LIN52: variants seen among roughly 807,000 people sequenced by gnomAD.
LIN52 encodes protein lin-52 homolog.
A neutral mutation model predicts 18.5 loss-of-function variants in LIN52; 4 were observed. The observed-to-expected ratio is 0.22, with a 90% CI of 0.11 to 0.49. The LOEUF (loss-of-function observed/expected upper bound fraction) is 0.49, where lower values mean the gene tolerates loss of function less well. Ranked by LOEUF, LIN52 falls within the 20% of genes least tolerant of loss-of-function variation. LIN52 has a pLI of 0.97. For missense variants in LIN52, 102 were observed against 139.5 expected (o/e 0.73, Z 1.35); for synonymous variants, 34 against 45.5 (o/e 0.75, Z 1.02).
chr14:74,147,021 C>T (rs901458773), intron 5 of LIN52, among the ~76,000 whole-genome samples: 5 of 151,968 alleles, frequency 3.3e-5, no homozygotes, highest in African/African-American at 1.2e-4. Context: ...CAATTTGGGA[C>T]GCCGAGGTGG....
intron 5 of LIN52, among the ~76,000 whole-genome samples, chr14:74,107,600 G>A (rs1163795152): frequency 6.6e-6 from 1 of 151,988 alleles, no homozygotes; most frequent in East Asian, 1.9e-4. Context: ...TTTGGTACAT[G>A]TCTCAGTCCT....
intron 5 of LIN52, among the ~76,000 whole-genome samples, chr14:74,193,212 A>G (rs1207457640): frequency 2.0e-5 from 3 of 149,830 alleles, no homozygotes; most frequent in Non-Finnish European, 4.4e-5. Context: ...AAATCCTTCC[A>G]TGCTTGAAGC....
intron 5 of LIN52, among the ~76,000 whole-genome samples, chr14:74,195,565 T>TGC (rs1020379824): frequency 2.0e-5 from 3 of 151,186 alleles, no homozygotes; most frequent in Non-Finnish European, 3.0e-5. Flanking sequence ...TATGTGTGTG[T>TGC]GTGTGTGTGT....
intron 5 of LIN52, among the ~76,000 whole-genome samples, chr14:74,161,184 AATTT>A (rs886912419): frequency 6.6e-6 from 1 of 151,880 alleles, no homozygotes; most frequent in Non-Finnish European, 1.5e-5. Context: ...AACAGGGAAA[AATTT>A]ATTTATTTAT....
intron 2 of LIN52, among the ~76,000 whole-genome samples, chr14:74,092,453 T>C (rs2060779262): frequency 6.7e-6 from 1 of 150,072 alleles, no homozygotes; most frequent in Admixed American, 6.6e-5. Context: ...TACAGGCACA[T>C]GCCGCAATGC....
At chr14:74,142,386 A>G (rs1004346798) in intron 5 of LIN52, among the ~76,000 whole-genome samples, 1 of 152,088 alleles carries the variant, frequency 6.6e-6, no homozygotes, top group African/African-American at 2.4e-5. Flanking sequence ...TAATTTAATA[A>G]TTGGAGGCTA....
chr14:74,194,791 G>C lies in LIN52; in HGVS notation c.284-4131G>C, dbSNP rs369177474. Reference sequence around the variant, plus strand: ...CCCTCTTGGCATAGTTATTAGAATGGAAGCGGTGTTGCCTTCCTGTGAAAC... The same window carrying C: ...CCCTCTTGGCATAGTTATTAGAATGCAAGCGGTGTTGCCTTCCTGTGAAAC... On this transcript the variant is annotated intron_variant, in intron 5 of 5. Transcript: ENST00000555028. Among the ~76,000 whole-genome samples the C allele has an allele frequency of 3.7e-3, 562 of 152,284 alleles. 4 individuals are homozygous for C. The highest frequency in any genetic ancestry group is 0.013 in the African/African-American group (530 of 41,556).
At chr14:74,195,358 A>G (rs1229591789) in intron 5 of LIN52, among the ~76,000 whole-genome samples, 2 of 152,224 alleles carry the variant, frequency 1.3e-5, no homozygotes, top group Non-Finnish European at 2.9e-5. Flanking sequence ...AGCTACAACC[A>G]TTGTGAAGAA....
At position 74,175,600 on chromosome 14, in the gene LIN52, G is replaced by A. The variant is rs893901795; in HGVS notation, c.284-23322G>A. 7.9e-5 allele frequency among the ~76,000 whole-genome samples: 12 copies of A among 152,086 alleles called. No homozygotes were observed. In the South Asian group the frequency reaches 2.5e-3, roughly 32 times the overall value. ...AGGTCCCAGCTATTCAGGAGGCTGAGGTAGGAGGATTGCTTGAGCCCAGGA... is the reference window on the plus strand; with the variant it reads ...AGGTCCCAGCTATTCAGGAGGCTGAAGTAGGAGGATTGCTTGAGCCCAGGA... On this transcript the variant is annotated intron_variant, in intron 5 of 5. Transcript: ENST00000555028.
intron 5 of LIN52, among the ~76,000 whole-genome samples, chr14:74,139,325 C>G (rs1373793224): frequency 6.6e-6 from 1 of 152,192 alleles, no homozygotes; most frequent in African/African-American, 2.4e-5. Context: ...TATTCTCTGC[C>G]ATAGCAGGGG....
intron 5 of LIN52, among the ~76,000 whole-genome samples, chr14:74,135,286 A>G (rs540098718): frequency 1.6e-4 from 25 of 152,134 alleles, no homozygotes; most frequent in African/African-American, 4.8e-4. Flanking sequence ...GATATTCTTG[A>G]TCTCCTGACC....
chr14:74,106,034 T>C (rs2060895415), intron 5 of LIN52, among the ~76,000 whole-genome samples: 1 of 152,256 alleles, frequency 6.6e-6, no homozygotes, highest in Non-Finnish European at 1.5e-5. Context: ...GTCTCTCAGA[T>C]GATTGAGGCC....
intron 5 of LIN52, chr14:74,174,704 T>C (rs2061284954): frequency 6.6e-6 from 1 of 151,686 alleles, no homozygotes; most frequent in African/African-American, 2.4e-5. Context: ...ATCATGCCTG[T>C]GAATAGCTGC....
chr14:74,125,095 A>G (rs1223224411), intron 5 of LIN52, among the ~76,000 whole-genome samples: 1 of 152,214 alleles, frequency 6.6e-6, no homozygotes, highest in Non-Finnish European at 1.5e-5. Context: ...CAATTAAGAA[A>G]TTAGCATGTT....
chr14:74,181,168 C>T (rs1469872687), intron 5 of LIN52, among the ~76,000 whole-genome samples: 1 of 150,088 alleles, frequency 6.7e-6, no homozygotes, highest in Non-Finnish European at 1.5e-5. Context: ...AGGCCATTTG[C>T]AGTGGCTCAC....
intron 5 of LIN52, among the ~76,000 whole-genome samples, chr14:74,157,466 A>T (rs1471238206): frequency 1.8e-5 from 2 of 112,406 alleles, no homozygotes; most frequent in African/African-American, 3.1e-5. Context: ...TATATTTTTT[A>T]ATTAATTTAT....
chr14:74,095,436 G>A (rs924660115), intron 2 of LIN52, among the ~76,000 whole-genome samples: 6 of 151,728 alleles, frequency 4.0e-5, no homozygotes, highest in South Asian at 2.1e-4. Context: ...CACCCGGCCC[G>A]TTTTTTAATT....
intron 5 of LIN52, among the ~76,000 whole-genome samples, chr14:74,164,647 C>T (rs1472370171): frequency 6.6e-6 from 1 of 152,122 alleles, no homozygotes; most frequent in African/African-American, 2.4e-5. Context: ...TCCCTCCACA[C>T]CCAGGCCTTC....
chr14:74,141,340 C>CT (rs1295076885), intron 5 of LIN52, among the ~76,000 whole-genome samples: 1 of 152,110 alleles, frequency 6.6e-6, no homozygotes, highest in Non-Finnish European at 1.5e-5. Context: ...TGTGACTTAT[C>CT]TTTGACCCCA....
Sources: allele counts gnomAD v4.1 joint callset (sites outside exome capture counted in the v4.1 genomes callset), GRCh38; gene constraint gnomAD v4.1.1; transcripts MANE v1.5; gene names NCBI Gene and HGNC (gene_info 2026-07-23, HGNC 2026-07-21).